TNRC18: variants seen among roughly 807,000 people sequenced by gnomAD.
TNRC18 encodes the protein trinucleotide repeat containing 18.
Under a neutral mutation model 226.7 loss-of-function variants are expected in TNRC18, and 69 were observed. The ratio of observed to expected loss-of-function variants is 0.30; its 90% CI spans 0.25 to 0.37. The LOEUF (loss-of-function observed/expected upper bound fraction) is 0.37, where lower values mean the gene tolerates loss of function less well. Ranked by LOEUF, TNRC18 falls within the 10% of genes least tolerant of loss-of-function variation. The pLI is 1.00. For synonymous variants in TNRC18, 2,449 were observed against 1,927.6 expected (o/e 1.27, Z -7.09); for missense variants, 4,754 against 4,256.6 (o/e 1.12, Z -3.25).
Position 5,420,694 on chromosome 7 carries a change from G to C in TNRC18, c.187+366C>G, listed in dbSNP as rs375124897. 37 of 516,236 alleles carry C rather than the reference G, an allele frequency of 7.2e-5. No individual in the cohort carries two copies. The East Asian group carries it at 1.4e-3, about 20-fold the overall frequency. 32.0% of individuals were successfully genotyped at this position (516,236 alleles called of 1,614,324 possible). ...GAAAAAGATTCGAGCTCGGGGAGCG[G>C]GTGTCTCGCGGGGTGCGGGGGCCGG... On this transcript the variant is annotated intron_variant, in intron 2 of 29. Coordinates refer to ENST00000430969, the MANE Select transcript of TNRC18 (RefSeq NM_001080495.3).
chr7:5,336,035 C>T (rs557491627), intron 18 of TNRC18, among the ~76,000 whole-genome samples: 131 of 151,632 alleles, frequency 8.6e-4, no homozygotes, highest in African/African-American at 2.9e-3. Flanking sequence ...GGCAAAACCC[C>T]ATCTCTACAA....
intron 17 of TNRC18, among the ~76,000 whole-genome samples, chr7:5,348,266 G>A (rs1791413185): frequency 6.6e-6 from 1 of 152,228 alleles, no homozygotes; most frequent in Non-Finnish European, 1.5e-5. Context: ...TGCCACCCAT[G>A]AGCAGGTGAC....
intron 19 of TNRC18, among the ~76,000 whole-genome samples, chr7:5,328,154 G>C (rs1196589943): frequency 6.6e-6 from 1 of 152,056 alleles, no homozygotes; most frequent in Non-Finnish European, 1.5e-5. Flanking sequence ...GGAGGCAGAG[G>C]TTGCAGTGAG....
At chr7:5,323,243 C>T (rs1485446685) in intron 21 of TNRC18, among the ~76,000 whole-genome samples, 1 of 152,116 alleles carries the variant, frequency 6.6e-6, no homozygotes, top group African/African-American at 2.4e-5. Flanking sequence ...GCTACAGACC[C>T]CTGGGTCCCA....
At chr7:5,404,763 A>AGAGTGTGTGTGTGTGT (rs1554301687) in intron 2 of TNRC18, among the ~76,000 whole-genome samples, 11 of 147,230 alleles carry the variant, frequency 7.5e-5, no homozygotes, top group African/African-American at 2.8e-4. Context: ...GCACACTTTC[A>AGAGTGTGTGTGTGTGT]GTGTGTGTGT....
rs1191555295 is a variant in TNRC18 at position 5,309,775 on chromosome 7, T to C, written c.8389-407A>G. Among the ~76,000 whole-genome samples the C allele has an allele frequency of 6.6e-6, 1 of 152,168 alleles. No homozygotes were observed. The highest frequency in any genetic ancestry group is 1.5e-5 in the Non-Finnish European group (1 of 68,048). ...CACACCACGCCCGGCTAATTTTGAT[T>C]ATTTTTGTAGAGAACAAGGTCTCAC... On this transcript the variant is annotated intron_variant, in intron 27 of 29. Coordinates refer to ENST00000430969, the MANE Select transcript of TNRC18 (RefSeq NM_001080495.3). The surrounding 1 kb of genome is among the most constrained non-coding windows in gnomAD (Gnocchi z 5.7).
chr7:5,393,494 C>G (rs1023526344), intron 3 of TNRC18, among the ~76,000 whole-genome samples: 2 of 152,218 alleles, frequency 1.3e-5, no homozygotes, highest in Non-Finnish European at 2.9e-5. Flanking sequence ...AGACCTGGCC[C>G]CGCAGGAGGA....
chr7:5,387,820 G>A lies in TNRC18; in HGVS notation c.2004C>T (p.Gly668=), dbSNP rs1779912099. The part of the protein sequence containing the change: ...PESAKAFGRE[G]SGAQGEAEVR... The stretch of plus-strand genomic sequence containing the variant: ...CTTCTGCCTCACCCTGGGCACCAGA[G>A]CCCTCGCGCCCGAAAGCTTTGGCGC... The change falls in exon 5 of 30, where the codon GGC becomes GGT. Residue 668 remains glycine, a synonymous_variant. Transcript: ENST00000430969. 1 of 1,606,642 alleles carries A rather than the reference G, an allele frequency of 6.2e-7. No homozygotes were observed. Among genetic ancestry groups the A allele is most frequent in the Non-Finnish European group, 8.5e-7 (1 of 1,179,518 alleles).
At chr7:5,327,713 C>T (rs1789078614) in intron 19 of TNRC18, among the ~76,000 whole-genome samples, 1 of 152,070 alleles carries the variant, frequency 6.6e-6, no homozygotes, top group Non-Finnish European at 1.5e-5. Flanking sequence ...GATCTGAAAA[C>T]CCACGGCTGG....
chr7:5,420,984 G>A, intron 2 of TNRC18, 76 bp downstream of exon 2: 1 of 1,525,902 alleles, frequency 6.6e-7, no homozygotes, highest in Non-Finnish European at 8.9e-7. Context: ...CCCCGGCCGC[G>A]AGTGCACAGG....
At chr7:5,352,147 G>A in intron 16 of TNRC18, 53 bp from the exon 17 acceptor site, 7 of 1,512,766 alleles carry the variant, frequency 4.6e-6, no homozygotes, top group African/African-American at 1.4e-5. Context: ...GCAGGAGCTG[G>A]TGTCATTTTA....
At chr7:5,416,350 G>A (rs1247015726) in intron 2 of TNRC18, among the ~76,000 whole-genome samples, 1 of 152,088 alleles carries the variant, frequency 6.6e-6, no homozygotes, top group Non-Finnish European at 1.5e-5. Flanking sequence ...GGGAGGCAGA[G>A]CTTGCAGTGA....
chr7:5,388,227 TGTG>T lies in TNRC18; in HGVS notation c.1594_1596del (p.His532del). 6.2e-7 allele frequency: 1 copy of T among 1,603,922 alleles called. No homozygotes were observed. Among genetic ancestry groups the T allele is most frequent in the South Asian group, 1.1e-5 (1 of 89,774 alleles). On this transcript the variant is annotated inframe_deletion, in exon 5 of 30. Coordinates refer to ENST00000430969, the MANE Select transcript of TNRC18 (RefSeq NM_001080495.3). ...ACGGCGGCCTCCTCTTCGGCGCGGCTGTGGTGGTGCTGCGCGGCCAGCACGGCC... is the reference window on the plus strand; with the variant it reads ...ACGGCGGCCTCCTCTTCGGCGCGGCTGTGGTGCTGCGCGGCCAGCACGGCC...
intron 5 of TNRC18, among the ~76,000 whole-genome samples, chr7:5,384,405 A>G (rs1373044029): frequency 2.6e-5 from 4 of 152,080 alleles, no homozygotes; most frequent in Non-Finnish European, 4.4e-5. Flanking sequence ...CCAGCCCCCA[A>G]CCAGTCACCT....
intron 26 of TNRC18, among the ~76,000 whole-genome samples, 155 bp from the exon 27 acceptor site, chr7:5,314,018 C>T (rs1402845318): frequency 4.6e-5 from 7 of 151,790 alleles, no homozygotes; most frequent in South Asian, 2.1e-4. Flanking sequence ...AATGCAGTGG[C>T]GTCATCAGGG....
At chr7:5,414,993 A>AT (rs1562641810) in intron 2 of TNRC18, among the ~76,000 whole-genome samples, 1 of 152,064 alleles carries the variant, frequency 6.6e-6, no homozygotes, top group African/African-American at 2.4e-5. Context: ...TGCCATTGAC[A>AT]TTTTTTTAAG....
At chr7:5,392,334 G>A (rs1316172955) in intron 3 of TNRC18, among the ~76,000 whole-genome samples, 1 of 152,146 alleles carries the variant, frequency 6.6e-6, no homozygotes, top group Non-Finnish European at 1.5e-5. Context: ...GTGGTAGCAG[G>A]CGCCTGTAGT....
At chr7:5,349,084 C>A (rs1791511130) in intron 17 of TNRC18, among the ~76,000 whole-genome samples, 1 of 152,190 alleles carries the variant, frequency 6.6e-6, no homozygotes, top group East Asian at 1.9e-4. Flanking sequence ...GCAGCTGGGG[C>A]TGCGGGGGGA....
chr7:5,374,200 GCTGGGGGTGGC>G lies in TNRC18; in HGVS notation c.3073_3083del (p.Ala1025LeufsTer85). 4 of 1,382,966 alleles carry G rather than the reference GCTGGGGGTGGC, an allele frequency of 2.9e-6. No individual in the cohort carries two copies. The highest frequency in any genetic ancestry group is 1.6e-5 in the South Asian group (1 of 61,122). 85.7% of individuals were successfully genotyped at this position (1,382,966 alleles called of 1,614,324 possible). A position where few individuals can be genotyped will look rare whatever the true frequency, so the allele number is the denominator to read the frequency against. The stretch of plus-strand genomic sequence containing the variant: ...CGGGCGGCGGGCTGGTGGGGTGGGA[GCTGGGGGTGGC>G]GGGGTAGGCGTAGGCGGGTGGCTTG... On this transcript the variant is annotated frameshift_variant, in exon 10 of 30. Coordinates refer to ENST00000430969, the MANE Select transcript of TNRC18 (RefSeq NM_001080495.3). LOFTEE classifies it high-confidence loss of function.
Sources: allele counts gnomAD v4.1 joint callset (sites outside exome capture counted in the v4.1 genomes callset), GRCh38; gene constraint gnomAD v4.1.1; non-coding constraint Gnocchi (gnomAD v3.1); transcripts MANE v1.5; gene names NCBI Gene and HGNC (gene_info 2026-07-23, HGNC 2026-07-21).